GLDC: variants seen among roughly 807,000 people sequenced by gnomAD.
The protein encoded by GLDC is glycine dehydrogenase (decarboxylating), mitochondrial.
Under a neutral mutation model 121.3 loss-of-function variants are expected in GLDC, and 104 were observed. The observed-to-expected ratio is 0.86, with a 90% CI of 0.73 to 1.01. The LOEUF (loss-of-function observed/expected upper bound fraction) is 1.01. GLDC is among the 50% of genes least tolerant of loss of function. The pLI, the probability that GLDC is intolerant of heterozygous loss-of-function variation, is 0.00. For synonymous variants in GLDC, 546 were observed against 480.6 expected (o/e 1.14, Z -1.78); for missense variants, 1,429 against 1,306.6 (o/e 1.09, Z -1.44).
intron 15 of GLDC, 32 bp downstream of exon 15, chr9:6,587,109 T>C: frequency 6.3e-7 from 1 of 1,588,830 alleles, no homozygotes; most frequent in Non-Finnish European, 8.6e-7. Flanking sequence ...AAGAATAGAT[T>C]GCTGAAACAA....
intron 18 of GLDC, among the ~76,000 whole-genome samples, chr9:6,555,462 C>T (rs908990126): frequency 1.7e-4 from 25 of 150,786 alleles, no homozygotes; most frequent in African/African-American, 6.1e-4. Flanking sequence ...AAGAAAGGCT[C>T]TAAAATGGTA....
chr9:6,536,614 G>T (rs903252588), intron 22 of GLDC, among the ~76,000 whole-genome samples: 1 of 152,196 alleles, frequency 6.6e-6, no homozygotes, highest in Non-Finnish European at 1.5e-5. Flanking sequence ...TGTATTTTAT[G>T]AGGGAAGATG....
intron 16 of GLDC, among the ~76,000 whole-genome samples, chr9:6,558,942 C>T (rs1199151757): frequency 6.6e-6 from 1 of 152,136 alleles, no homozygotes; most frequent in Admixed American, 6.6e-5. Flanking sequence ...TCCTTTATCC[C>T]AGTACAATAA....
At chr9:6,616,152 C>T (rs1818963631) in intron 3 of GLDC, among the ~76,000 whole-genome samples, 2 of 152,070 alleles carry the variant, frequency 1.3e-5, no homozygotes, top group African/African-American at 2.4e-5. Context: ...GAGTTTTTTT[C>T]GTTTTCATCT....
intron 3 of GLDC, among the ~76,000 whole-genome samples, chr9:6,616,258 CTATT>C (rs1275613897): frequency 2.0e-5 from 3 of 152,194 alleles, no homozygotes; most frequent in South Asian, 2.1e-4. Context: ...CACTTAAAAA[CTATT>C]TATTCAAATT....
chr9:6,608,785 G>A (rs185047365), intron 4 of GLDC, among the ~76,000 whole-genome samples: 40 of 151,696 alleles, frequency 2.6e-4, no homozygotes, highest in Admixed American at 2.0e-3. Flanking sequence ...ATAAATAAAT[G>A]AAATAAGATA....
chr9:6,560,513 A>T (rs1405111578), intron 16 of GLDC, among the ~76,000 whole-genome samples: 1 of 152,048 alleles, frequency 6.6e-6, no homozygotes, highest in African/African-American at 2.4e-5. Context: ...TTTTTTCTTT[A>T]ATTTCTGAGG....
rs1428962515 is a variant in GLDC, at chr9:6,620,176, T to C, written c.470+8A>G. ...GTCATCCTGTTCCTGAACTGAGAAA[T>C]ACATTACCATCCTGAGTTCTCCAGT... On this transcript the variant is annotated splice_region_variant and intron_variant, in intron 3 of 24. Coordinates refer to ENST00000321612, the MANE Select transcript of GLDC (RefSeq NM_000170.3). 3.7e-6 allele frequency: 6 copies of C among 1,611,864 alleles called. No individual in the cohort carries two copies. The highest frequency in any genetic ancestry group is 5.1e-6 in the Non-Finnish European group (6 of 1,179,498).
rs959649706 is a variant in GLDC, at chr9:6,543,773, T to A, written c.2570-3627A>T. Reference sequence around the variant, plus strand: ...AGGGCAATGTTGGGGCGATATCAAGTGGAAACTGAATAAACCACTCAGCAC... The same window carrying A: ...AGGGCAATGTTGGGGCGATATCAAGAGGAAACTGAATAAACCACTCAGCAC... On this transcript the variant is annotated intron_variant, in intron 21 of 24. Transcript: ENST00000321612. Among the ~76,000 whole-genome samples, 8 of 151,926 alleles carry A rather than the reference T, an allele frequency of 5.3e-5. No individual in the cohort carries two copies. The East Asian group carries it at 1.6e-3, about 30-fold the overall frequency.
chr9:6,613,983 G>A (rs1380367765), intron 3 of GLDC, among the ~76,000 whole-genome samples: 2 of 152,020 alleles, frequency 1.3e-5, no homozygotes, highest in African/African-American at 4.8e-5. Flanking sequence ...CACCATGTTG[G>A]CCAGGCTGGT....
intron 6 of GLDC, 25 bp from the exon 7 acceptor site, chr9:6,604,809 A>T: frequency 6.9e-6 from 11 of 1,589,842 alleles, no homozygotes; most frequent in Non-Finnish European, 9.5e-6. Flanking sequence ...AGAGAAAAGG[A>T]ACAAGGTTGC....
At chr9:6,556,026 A>G in intron 18 of GLDC, 127 bp downstream of exon 18, 1 of 701,282 alleles carries the variant, frequency 1.4e-6, no homozygotes, top group Non-Finnish European at 2.5e-6. Context: ...ATCAACAACC[A>G]CCAGTGGTCA....
chr9:6,599,982 G>A (rs1271578677), intron 8 of GLDC, among the ~76,000 whole-genome samples: 1 of 152,128 alleles, frequency 6.6e-6, no homozygotes, highest in African/African-American at 2.4e-5. Flanking sequence ...TTTCAGAGGT[G>A]GTTCTAGACG....
In GLDC at chr9:6,587,296, A is replaced by G; in HGVS notation, c.1708-13T>C. 1 of 1,604,714 alleles carries G rather than the reference A, an allele frequency of 6.2e-7. No homozygotes were observed. Among genetic ancestry groups the G allele is most frequent in the Non-Finnish European group, 8.5e-7 (1 of 1,171,442 alleles). On this transcript the variant is annotated splice_polypyrimidine_tract_variant and intron_variant, in intron 14 of 24. Transcript: ENST00000321612. Reference sequence around the variant, plus strand: ...TCCATGTGATAGGCTGAAAAGAAAGAAAACAAAAATGCATATATACATATT... The same window carrying G: ...TCCATGTGATAGGCTGAAAAGAAAGGAAACAAAAATGCATATATACATATT...
chr9:6,608,118 A>G lies in GLDC; in HGVS notation c.636-1449T>C, dbSNP rs147643406. Among the ~76,000 whole-genome samples, 476 of 152,110 alleles carry G rather than the reference A, an allele frequency of 3.1e-3. 6 individuals carry two copies. The highest frequency in any genetic ancestry group is 0.011 in the African/African-American group (448 of 41,504). ...GGTGACAAAGTCAAACCCTGCCTCAAAAAAACAATTGAGGGCCGGGCGGGG... is the reference window on the plus strand; with the variant it reads ...GGTGACAAAGTCAAACCCTGCCTCAGAAAAACAATTGAGGGCCGGGCGGGG... On this transcript the variant is annotated intron_variant, in intron 4 of 24. Transcript: ENST00000321612.
intron 8 of GLDC, 73 bp downstream of exon 8, chr9:6,602,036 T>G: frequency 2.2e-6 from 2 of 908,722 alleles, no homozygotes; most frequent in Non-Finnish European, 3.7e-6. Context: ...AATGAACAAA[T>G]GAATGAATGA....
At chr9:6,556,835 C>T (rs1274871307) in intron 17 of GLDC, among the ~76,000 whole-genome samples, 1 of 151,994 alleles carries the variant, frequency 6.6e-6, no homozygotes, top group African/African-American at 2.4e-5. Context: ...TAATAAGATC[C>T]TTTCAGGCTA....
chr9:6,601,607 C>G (rs945540151), intron 8 of GLDC, among the ~76,000 whole-genome samples: 2 of 151,914 alleles, frequency 1.3e-5, no homozygotes, highest in African/African-American at 4.8e-5. Context: ...AACACAGTGT[C>G]TTTTTCTTTA....
intron 15 of GLDC, among the ~76,000 whole-genome samples, chr9:6,573,055 T>C (rs1264911326): frequency 6.6e-6 from 1 of 152,140 alleles, no homozygotes; most frequent in Non-Finnish European, 1.5e-5. Context: ...CTGGATCCCA[T>C]CTGTCACGTG....
Sources: gnomAD v4.1 joint callset for allele counts (sites outside exome capture counted in the v4.1 genomes callset) on GRCh38, gnomAD v4.1.1 for gene constraint, MANE v1.5 for transcripts, NCBI Gene and HGNC (gene_info 2026-07-23, HGNC 2026-07-21) for gene names.